The following TACC2 variants were observed in gnomAD, a reference collection of about 807,000 sequenced individuals.
TACC2 encodes the protein transforming acidic coiled-coil containing protein 2, also known as transforming acidic coiled-coil-containing protein 2.
In TACC2, 137 loss-of-function variants were observed where a neutral mutation model predicts 227.3. That is an observed-to-expected ratio of 0.60 (90% CI 0.52 to 0.69). TACC2 has a LOEUF of 0.69. Among genes scored for constraint, TACC2 ranks in the 30% least tolerant of loss-of-function variants. The probability of loss-of-function intolerance (pLI) is 0.00; values close to 1 mark genes in which losing one functional copy is unlikely to be tolerated. For synonymous variants in TACC2, 1,523 were observed against 1,487.5 expected (o/e 1.02, Z -0.55); for missense variants, 3,470 against 3,694.4 (o/e 0.94, Z 1.57).
intron 7 of TACC2, among the ~76,000 whole-genome samples, chr10:122,148,097 ATTT>A (rs1172285538): frequency 3.8e-5 from 5 of 131,426 alleles, no homozygotes; most frequent in Non-Finnish European, 4.8e-5. Flanking sequence ...CTGAGCCAGA[ATTT>A]TTTTTTTTTT....
intron 5 of TACC2, among the ~76,000 whole-genome samples, chr10:122,107,734 A>G (rs1047364271): frequency 3.3e-5 from 5 of 150,848 alleles, no homozygotes; most frequent in Non-Finnish European, 7.4e-5. Flanking sequence ...GGTTACATGC[A>G]TAAGTTCTTT....
At chr10:122,163,529 T>G in intron 7 of TACC2, 1 of 977,416 alleles carries the variant, frequency 1.0e-6, no homozygotes, top group South Asian at 4.7e-5. Context: ...TTTGTGAAGA[T>G]GCAGGCGTTG....
chr10:122,174,125 C>T (rs2093602368), intron 7 of TACC2, among the ~76,000 whole-genome samples: 2 of 152,328 alleles, frequency 1.3e-5, no homozygotes, highest in African/African-American at 4.8e-5. Flanking sequence ...TTCTCCATTT[C>T]CTCTTTGTTT....
intron 22 of TACC2, 46 bp from the exon 23 acceptor site, chr10:122,253,945 G>T: frequency 6.4e-7 from 1 of 1,558,842 alleles, no homozygotes. Context: ...ATTCTGACTG[G>T]CCAGATTTCA....
At chr10:122,203,188 C>T (rs1328489778) in intron 8 of TACC2, among the ~76,000 whole-genome samples, 6 of 152,140 alleles carry the variant, frequency 3.9e-5, no homozygotes, top group African/African-American at 9.7e-5. Flanking sequence ...ACCTCCCAGA[C>T]GGGGTGGTGG....
chr10:122,089,707 C>CAGAATACT, intron 5 of TACC2, among the ~76,000 whole-genome samples: 1 of 151,786 alleles, frequency 6.6e-6, no homozygotes, highest in African/African-American at 2.4e-5. Context: ...AAATTAGTAC[C>CAGAATACT]TGTGTACCCT....
chr10:122,241,991 T>G lies in TACC2; in HGVS notation c.8382T>G (p.Ala2794=). The change falls in exon 19 of 23, where the codon GCT becomes GCG. Residue 2794 remains alanine, a synonymous_variant. Transcript: ENST00000369005. ...KIVAEYEKTI[A]QMIEDEQREK... is the part of the protein sequence containing the mutation. ...TGGCCGAGTATGAGAAGACCATCGC[T>G]CAGATGATAGGTAGGTGTCCTGACC... The G allele has an allele frequency of 6.2e-7, 1 of 1,614,150 alleles. No homozygotes were observed. The highest frequency in any genetic ancestry group is 8.5e-7 in the Non-Finnish European group (1 of 1,179,990).
At chr10:121,993,384 A>G (rs950397369) in intron 1 of TACC2, among the ~76,000 whole-genome samples, 11 of 152,238 alleles carry the variant, frequency 7.2e-5, no homozygotes, top group African/African-American at 2.7e-4. Flanking sequence ...GAAAAATTAT[A>G]CATTCACATG....
At chr10:122,131,234 G>A (rs1321021973) in intron 5 of TACC2, among the ~76,000 whole-genome samples, 1 of 150,278 alleles carries the variant, frequency 6.7e-6, no homozygotes, top group Non-Finnish European at 1.5e-5. Context: ...CCCATGAGAC[G>A]TCCCATGAAG....
In TACC2 at chr10:122,221,541, G is replaced by T. The variant is rs571031876; in HGVS notation, c.7547-3185G>T. 2.0e-5 allele frequency among the ~76,000 whole-genome samples: 3 copies of T among 152,260 alleles called. No homozygotes were observed. The South Asian group carries it at 6.2e-4, about 32-fold the overall frequency. ...TGGAAGCCTCAGCTGTTCTTTAACGGCAGGCGCCGTCTCTGTCACACTGCA... is the reference window on the plus strand; with the variant it reads ...TGGAAGCCTCAGCTGTTCTTTAACGTCAGGCGCCGTCTCTGTCACACTGCA... On this transcript the variant is annotated intron_variant, in intron 11 of 22. Coordinates refer to ENST00000369005, the MANE Select transcript of TACC2 (RefSeq NM_206862.4).
chr10:122,153,942 C>G (rs968280082), intron 7 of TACC2, among the ~76,000 whole-genome samples: 1 of 152,280 alleles, frequency 6.6e-6, no homozygotes, highest in Admixed American at 6.5e-5. Flanking sequence ...CCTCCGGGCC[C>G]CCAATCACAA....
rs144124449 is a variant in TACC2, at chr10:122,036,939, A to G, written c.34-13499A>G. 2.8e-3 allele frequency among the ~76,000 whole-genome samples: 425 copies of G among 152,094 alleles called. 4 individuals carry two copies. Among genetic ancestry groups the G allele is most frequent in the African/African-American group, 9.4e-3 (388 of 41,494 alleles). Reference sequence around the variant, plus strand: ...CCAATTTCTCTACATCCTCACCAATACTTGTTACTTTGTTTTTTGTTTGTT... The same window carrying G: ...CCAATTTCTCTACATCCTCACCAATGCTTGTTACTTTGTTTTTTGTTTGTT... On this transcript the variant is annotated intron_variant, in intron 2 of 22. Transcript: ENST00000369005.
chr10:122,224,392 C>T (rs994331665), intron 11 of TACC2, among the ~76,000 whole-genome samples: 10 of 152,192 alleles, frequency 6.6e-5, no homozygotes, highest in Non-Finnish European at 2.9e-5. Context: ...CCAGAATGCA[C>T]GTGCTGTCTT....
intron 1 of TACC2, among the ~76,000 whole-genome samples, chr10:121,997,953 C>G (rs572141385): frequency 6.6e-6 from 1 of 152,070 alleles, no homozygotes; most frequent in South Asian, 2.1e-4. Context: ...AAGGCAGGCA[C>G]GAAGACCAAG....
intron 1 of TACC2, among the ~76,000 whole-genome samples, chr10:122,019,029 T>C (rs1017686739): frequency 2.6e-5 from 4 of 152,190 alleles, no homozygotes; most frequent in Admixed American, 2.0e-4. Context: ...TACACAAAAA[T>C]AGAAACTGGT....
chr10:122,085,644 T>C lies in TACC2; in HGVS notation c.3144T>C (p.Pro1048=). 1 of 1,613,494 alleles carries C rather than the reference T, an allele frequency of 6.2e-7. No homozygotes were observed. The highest frequency in any genetic ancestry group is 8.5e-7 in the Non-Finnish European group (1 of 1,180,028). The change falls in exon 4 of 23, where the codon CCT becomes CCC. Residue 1048 remains proline, a synonymous_variant. Transcript: ENST00000369005. ...CAGGGGAGGCCCCACCTTGTCAGCCTGACTCAGTAGCTCTCCTGGATGCAG... is the reference window on the plus strand; with the variant it reads ...CAGGGGAGGCCCCACCTTGTCAGCCCGACTCAGTAGCTCTCCTGGATGCAG... ...GNTGEAPPCQ[P]DSVALLDAVP... is the part of the protein sequence containing the mutation.
intron 7 of TACC2, among the ~76,000 whole-genome samples, chr10:122,163,178 A>G (rs998767545): frequency 6.6e-6 from 1 of 152,106 alleles, no homozygotes; most frequent in Non-Finnish European, 1.5e-5. Flanking sequence ...CCGGCGGTGG[A>G]AAAGGGCGCA....
chr10:122,173,266 C>A (rs900530613), intron 7 of TACC2, among the ~76,000 whole-genome samples: 4 of 152,166 alleles, frequency 2.6e-5, no homozygotes, highest in Non-Finnish European at 5.9e-5. Context: ...ACTCCTGTGG[C>A]TTCCTGGGGC....
At chr10:122,167,201 T>C (rs1024844119) in intron 7 of TACC2, among the ~76,000 whole-genome samples, 2 of 152,312 alleles carry the variant, frequency 1.3e-5, no homozygotes, top group East Asian at 1.9e-4. Flanking sequence ...ACTCTCAAAG[T>C]GAGCACGTGC....
Sources: gnomAD v4.1 joint callset for allele counts (sites outside exome capture counted in the v4.1 genomes callset) on GRCh38, gnomAD v4.1.1 for gene constraint, MANE v1.5 for transcripts, NCBI Gene and HGNC (gene_info 2026-07-23, HGNC 2026-07-21) for gene names.